The following B4GALNT2 variants were observed in gnomAD, a reference collection of about 807,000 sequenced individuals.
B4GALNT2 encodes beta-1,4-N-acetyl-galactosaminyltransferase 2 (SID blood group).
B4GALNT2 carries 42 observed loss-of-function variants against 51.1 expected under a neutral mutation model. The observed-to-expected ratio is 0.82, with a 90% CI of 0.64 to 1.06. The LOEUF is 1.06. Ranked by LOEUF, B4GALNT2 falls within the 50% of genes least tolerant of loss-of-function variation. The pLI is 0.00. For synonymous variants in B4GALNT2, 253 were observed against 251.7 expected (o/e 1.01, Z -0.05); for missense variants, 602 against 633.6 (o/e 0.95, Z 0.54).
chr17:49,164,938 A>G (rs1465006924), intron 8 of B4GALNT2, among the ~76,000 whole-genome samples: 3 of 152,040 alleles, frequency 2.0e-5, no homozygotes, highest in Non-Finnish European at 4.4e-5. Context: ...CTGCCTCCCT[A>G]GTAGCTGGGA....
chr17:49,120,786 G>A, the B4GALNT2 span, among the ~76,000 whole-genome samples: 3 of 152,050 alleles, frequency 2.0e-5, no homozygotes, highest in African/African-American at 7.2e-5. Context: ...CTGGGAATAC[G>A]GGTGTGAGCC....
intron 1 of B4GALNT2, among the ~76,000 whole-genome samples, chr17:49,135,455 T>C (rs1181156245): frequency 6.6e-6 from 1 of 151,808 alleles, no homozygotes; most frequent in Non-Finnish European, 1.5e-5. Context: ...AGATGGAGTT[T>C]CACCATGTTA....
Position 49,160,498 on chromosome 17 carries a change from A to G in B4GALNT2, c.680-57A>G, listed in dbSNP as rs145173178. ...TGTCATGGTGGCTTCCCGGGGTGGC[A>G]TGGAGTTTAATCCAGACATGATACT... On this transcript the variant is annotated intron_variant, in intron 6 of 10. Coordinates refer to ENST00000393354, the MANE Select transcript of B4GALNT2 (RefSeq NM_001159387.2). 232 of 1,531,188 alleles carry G rather than the reference A, an allele frequency of 1.5e-4. 2 individuals carry two copies. The East Asian group carries it at 4.8e-3, about 32-fold the overall frequency. 94.9% of individuals were successfully genotyped at this position (1,531,188 alleles called of 1,614,324 possible).
rs1463396148 is a variant in B4GALNT2, at chr17:49,174,158, A to T, written c.*4430A>T. ...TGAATTTTGTCAGGAGCTATAATTA[A>T]ACCAGCATGAGAAATCAAATTTTGC... On this transcript the variant is annotated 3_prime_UTR_variant, in exon 11 of 11. Coordinates refer to ENST00000393354, the MANE Select transcript of B4GALNT2 (RefSeq NM_001159387.2). The T allele has an allele frequency of 1.3e-5, 2 of 152,222 alleles. No homozygotes were observed. The highest frequency in any genetic ancestry group is 2.4e-5 in the African/African-American group (1 of 41,464). The allele number at this position is 152,222 out of a possible 1,614,324, so 9.4% of individuals were successfully genotyped here.
At chr17:49,161,478 C>T (rs887578465) in intron 7 of B4GALNT2, among the ~76,000 whole-genome samples, 3 of 152,004 alleles carry the variant, frequency 2.0e-5, no homozygotes, top group African/African-American at 4.8e-5. Flanking sequence ...ATGGGAGGAT[C>T]GCTTGAGCCT....
chr17:49,172,238 A>C lies in B4GALNT2; in HGVS notation c.*2510A>C, dbSNP rs113050626. On this transcript the variant is annotated 3_prime_UTR_variant, in exon 11 of 11. Coordinates refer to ENST00000393354, the MANE Select transcript of B4GALNT2 (RefSeq NM_001159387.2). Reference sequence around the variant, plus strand: ...CATCAGTCTTGACATGGCTGCAACCAGGGGATCCTCGGGATCCTCCTGGAA... The same window carrying C: ...CATCAGTCTTGACATGGCTGCAACCCGGGGATCCTCGGGATCCTCCTGGAA... 1 of 196,498 alleles carries C rather than the reference A, an allele frequency of 5.1e-6. No individual in the cohort carries two copies. The highest frequency in any genetic ancestry group is 1.0e-5 in the Non-Finnish European group (1 of 96,338). The allele number at this position is 196,498 out of a possible 1,614,324, so 12.2% of individuals were successfully genotyped here.
At chr17:49,136,518 G>GTTTATTTATTTA (rs141696525) in intron 1 of B4GALNT2, among the ~76,000 whole-genome samples, 2 of 148,314 alleles carry the variant, frequency 1.3e-5, no homozygotes, top group Non-Finnish European at 3.0e-5. Context: ...TCACATTAGA[G>GTTTATTTATTTA]TTTATTTATT....
Position 49,152,790 on chromosome 17 carries a change from C to T in B4GALNT2, c.354-10C>T, listed in dbSNP as rs1309744955. The T allele has an allele frequency of 1.3e-6, 2 of 1,572,616 alleles. No homozygotes were observed. Among genetic ancestry groups the T allele is most frequent in the South Asian group, 1.2e-5 (1 of 86,276 alleles). On this transcript the variant is annotated splice_polypyrimidine_tract_variant and intron_variant, in intron 3 of 10. Transcript: ENST00000393354. The stretch of plus-strand genomic sequence containing the variant: ...GGCAGCTGCTGACGTTTCTGTTCTC[C>T]TTCCTGCAGAGAAGGGCTGCCCCGC...
intron 8 of B4GALNT2, among the ~76,000 whole-genome samples, chr17:49,164,597 G>A (rs1179007432): frequency 1.3e-5 from 2 of 148,578 alleles, no homozygotes; most frequent in African/African-American, 5.0e-5. Context: ...CACCTCCTGG[G>A]TTCAAGTGAT....
chr17:49,164,818 C>T (rs552230762), intron 8 of B4GALNT2, among the ~76,000 whole-genome samples: 99 of 145,966 alleles, frequency 6.8e-4, no homozygotes, highest in African/African-American at 2.4e-3. Flanking sequence ...TTTTATTTTT[C>T]ATTTTTTTTG....
intron 3 of B4GALNT2, among the ~76,000 whole-genome samples, chr17:49,143,968 C>T (rs1399178451): frequency 1.3e-5 from 2 of 151,988 alleles, no homozygotes; most frequent in Admixed American, 6.6e-5. Flanking sequence ...GGCAACATGG[C>T]GAAACTCCAT....
At position 49,136,816 on chromosome 17, in the gene B4GALNT2, G is replaced by A. The variant is rs34290996; in HGVS notation, c.14+4010G>A. Among the ~76,000 whole-genome samples the A allele has an allele frequency of 3.2e-4, 49 of 152,032 alleles. No individual in the cohort carries two copies. The East Asian group carries it at 8.5e-3, about 26-fold the overall frequency. ...CCTGTCTCGGCCTCCCAAAGTGCTGGGATTACAGGCGTGAACCACCGGGCC... is the reference window on the plus strand; with the variant it reads ...CCTGTCTCGGCCTCCCAAAGTGCTGAGATTACAGGCGTGAACCACCGGGCC... On this transcript the variant is annotated intron_variant, in intron 1 of 10. Coordinates refer to ENST00000393354, the MANE Select transcript of B4GALNT2 (RefSeq NM_001159387.2).
chr17:49,160,613 C>T lies in B4GALNT2; in HGVS notation c.738C>T (p.Val246=), dbSNP rs1007424768. The T allele has an allele frequency of 1.2e-6, 2 of 1,614,070 alleles. No individual in the cohort carries two copies. Among genetic ancestry groups the T allele is most frequent in the African/African-American group, 2.7e-5 (2 of 74,938 alleles). Residue 246 remains valine, a synonymous_variant, in exon 7 of 11, where the codon GTC becomes GTT. Coordinates refer to ENST00000393354, the MANE Select transcript of B4GALNT2 (RefSeq NM_001159387.2). The part of the protein sequence containing the change: ...AKFPVTIRHP[V]IPKLYDPGPE... ...TTCCAGTGACCATCCGCCATCCTGT[C>T]ATACCCAAGCTATACGACCCTGGAC...
chr17:49,169,892 T>A lies in B4GALNT2; in HGVS notation c.*164T>A, dbSNP rs1220820594. 1.6e-6 allele frequency: 1 copy of A among 639,746 alleles called. No individual in the cohort carries two copies. The highest frequency in any genetic ancestry group is 2.5e-6 in the Non-Finnish European group (1 of 394,534). The allele number at this position is 639,746 out of a possible 1,614,324, so 39.6% of individuals were successfully genotyped here. ...GGAAGTACCAATCAAAGGTGAAGGG[T>A]CACTGGAAATGAACCAGTCACTGAC... On this transcript the variant is annotated 3_prime_UTR_variant, in exon 11 of 11. Transcript: ENST00000393354.
chr17:49,139,328 C>T (rs1284211165), intron 1 of B4GALNT2, among the ~76,000 whole-genome samples: 1 of 152,028 alleles, frequency 6.6e-6, no homozygotes, highest in African/African-American at 2.4e-5. Context: ...ATCCTTCGCC[C>T]TCCGGGCTCA....
chr17:49,169,815 C>A lies in B4GALNT2; in HGVS notation c.*87C>A. 7.8e-7 allele frequency: 1 copy of A among 1,284,398 alleles called. No individual in the cohort carries two copies. Among genetic ancestry groups the A allele is most frequent in the Non-Finnish European group, 1.0e-6 (1 of 955,824 alleles). The allele number at this position is 1,284,398 out of a possible 1,614,324, so 79.6% of individuals were successfully genotyped here. A position where few individuals can be genotyped will look rare whatever the true frequency, so the allele number is the denominator to read the frequency against. On this transcript the variant is annotated 3_prime_UTR_variant, in exon 11 of 11. Coordinates refer to ENST00000393354, the MANE Select transcript of B4GALNT2 (RefSeq NM_001159387.2). ...AAAAACTGGACTCCTGATAGGTGAA[C>A]GTTGTACCAAACCAGCTGGTGGGTA... is the stretch of plus-strand genomic sequence containing the variant.
chr17:49,174,858 T>G lies in B4GALNT2; in HGVS notation c.*5130T>G, dbSNP rs771443203. 4 of 152,174 alleles carry G rather than the reference T, an allele frequency of 2.6e-5. No individual in the cohort carries two copies. Among genetic ancestry groups the G allele is most frequent in the Non-Finnish European group, 4.4e-5 (3 of 68,024 alleles). The allele number at this position is 152,174 out of a possible 1,614,324, so 9.4% of individuals were successfully genotyped here. On this transcript the variant is annotated 3_prime_UTR_variant, in exon 11 of 11. Transcript: ENST00000393354. ...CGCTTGAAGTGGTTCCTTCAAATCT[T>G]GCAAATTTTTTCCTAGTCCCATACC...
rs1455185405 is a variant in B4GALNT2 at position 49,147,164 on chromosome 17, T to C, written c.353+4992T>C. Among the ~76,000 whole-genome samples, 5 of 152,298 alleles carry C rather than the reference T, an allele frequency of 3.3e-5. No homozygotes were observed. In the East Asian group the frequency reaches 9.6e-4, roughly 29 times the overall value. ...GACTAATTAAGAGGATGTTTGTGCC[T>C]CTTGTCTGTATCCTTGAAATTACAA... On this transcript the variant is annotated intron_variant, in intron 3 of 10. Transcript: ENST00000393354.
At chr17:49,141,612 C>T (rs55636513) in intron 2 of B4GALNT2, among the ~76,000 whole-genome samples, 165 bp downstream of exon 2, 9,052 of 152,242 alleles carry the variant, frequency 0.059, 349 homozygotes, top group Middle Eastern at 0.13. Context: ...TTGGTCTGTA[C>T]GATCCAGTCT....
Sources: allele counts gnomAD v4.1 joint callset (sites outside exome capture counted in the v4.1 genomes callset), GRCh38; gene constraint gnomAD v4.1.1; transcripts MANE v1.5; gene names NCBI Gene and HGNC (gene_info 2026-07-23, HGNC 2026-07-21).